SORCS2: variants seen among roughly 807,000 people sequenced by gnomAD.
SORCS2 encodes VPS10 domain-containing receptor SorCS2.
Under a neutral mutation model 141.6 loss-of-function variants are expected in SORCS2, and 100 were observed. That is an observed-to-expected ratio of 0.71 (90% CI 0.60 to 0.83). The LOEUF (loss-of-function observed/expected upper bound fraction) is 0.83, where lower values mean the gene tolerates loss of function less well. Ranked by LOEUF, SORCS2 falls within the 40% of genes least tolerant of loss-of-function variation. The pLI, the probability that SORCS2 is intolerant of heterozygous loss-of-function variation, is 0.00. For missense variants in SORCS2, 1,646 were observed against 1,560.2 expected (o/e 1.05, Z -0.93); for synonymous variants, 789 against 676.9 (o/e 1.17, Z -2.57).
At chr4:7,239,332 C>T (rs925419932) in intron 1 of SORCS2, among the ~76,000 whole-genome samples, 11 of 152,260 alleles carry the variant, frequency 7.2e-5, no homozygotes, top group African/African-American at 2.4e-4. Flanking sequence ...GGGAGGGCCC[C>T]CGACCTCCTT....
At chr4:7,673,916 C>T (rs760306629) in intron 8 of SORCS2, among the ~76,000 whole-genome samples, 4 of 152,188 alleles carry the variant, frequency 2.6e-5, no homozygotes, top group South Asian at 2.1e-4. Flanking sequence ...TTCCCTGCCA[C>T]GGCCCAGGCT....
chr4:7,688,553 C>T (rs1017922478), intron 10 of SORCS2, among the ~76,000 whole-genome samples: 3 of 152,186 alleles, frequency 2.0e-5, no homozygotes, highest in African/African-American at 4.8e-5. Flanking sequence ...GTTATTGCCC[C>T]ATCTCACAGA....
intron 1 of SORCS2, among the ~76,000 whole-genome samples, chr4:7,245,812 C>A (rs1034615715): frequency 6.6e-6 from 1 of 152,104 alleles, no homozygotes; most frequent in African/African-American, 2.4e-5. Flanking sequence ...GCTGTCCCTG[C>A]CGTGAGGAGT....
chr4:7,675,738 C>T (rs1462375704), intron 8 of SORCS2, among the ~76,000 whole-genome samples: 1 of 152,178 alleles, frequency 6.6e-6, no homozygotes, highest in Non-Finnish European at 1.5e-5. Flanking sequence ...CACTGTTGGA[C>T]GGATGGATGG....
At chr4:7,347,069 T>G (rs1189548013) in intron 1 of SORCS2, among the ~76,000 whole-genome samples, 1 of 152,212 alleles carries the variant, frequency 6.6e-6, no homozygotes, top group Non-Finnish European at 1.5e-5. Context: ...TTTAAAAAAT[T>G]TAGTGCTTGA....
At chr4:7,526,270 C>A (rs191201750) in intron 2 of SORCS2, among the ~76,000 whole-genome samples, 1 of 152,228 alleles carries the variant, frequency 6.6e-6, no homozygotes, top group African/African-American at 2.4e-5. Flanking sequence ...TTGTCCAGAC[C>A]GGCGTGTCCC....
chr4:7,284,857 C>G (rs549048020), intron 1 of SORCS2, among the ~76,000 whole-genome samples: 1 of 152,136 alleles, frequency 6.6e-6, no homozygotes, highest in East Asian at 1.9e-4. Context: ...GGGGGAAGAT[C>G]CTTCCGGCCT....
At chr4:7,580,313 C>G (rs28666453) in intron 3 of SORCS2, among the ~76,000 whole-genome samples, 2,961 of 152,144 alleles carry the variant, frequency 0.019, 96 homozygotes, top group African/African-American at 0.068. Context: ...GAAACCCCAT[C>G]TCTACTAAAA....
intron 1 of SORCS2, among the ~76,000 whole-genome samples, chr4:7,326,575 C>T (rs541318725): frequency 1.3e-5 from 2 of 152,206 alleles, no homozygotes; most frequent in Non-Finnish European, 2.9e-5. Context: ...GGAATCTCTT[C>T]GTCCAGGTCA....
At chr4:7,427,038 C>T (rs955894333) in intron 2 of SORCS2, among the ~76,000 whole-genome samples, 7 of 152,136 alleles carry the variant, frequency 4.6e-5, no homozygotes, top group East Asian at 1.9e-4. Flanking sequence ...AGGGAAAGAG[C>T]GGTGGTTCCA....
chr4:7,308,908 G>C (rs559866408), intron 1 of SORCS2, among the ~76,000 whole-genome samples: 2 of 152,284 alleles, frequency 1.3e-5, no homozygotes, highest in Admixed American at 6.5e-5. Context: ...CACACCTCTG[G>C]TGTGGCACCC....
At chr4:7,367,931 G>A (rs1017217936) in intron 1 of SORCS2, among the ~76,000 whole-genome samples, 4 of 152,254 alleles carry the variant, frequency 2.6e-5, no homozygotes, top group African/African-American at 2.4e-5. Context: ...GTCCAGTGCT[G>A]TGTGTCAGCC....
chr4:7,264,543 C>T (rs1246395670), intron 1 of SORCS2, among the ~76,000 whole-genome samples: 3 of 152,224 alleles, frequency 2.0e-5, no homozygotes, highest in African/African-American at 7.2e-5. Context: ...CACTCAGCCC[C>T]TGGTCTGGGA....
At chr4:7,302,539 AC>A (rs929578852) in intron 1 of SORCS2, among the ~76,000 whole-genome samples, 1 of 152,052 alleles carries the variant, frequency 6.6e-6, no homozygotes, top group Non-Finnish European at 1.5e-5. Context: ...GGTCTCCCTG[AC>A]CACCTTATTT....
At chr4:7,283,742 C>T (rs1006103743) in intron 1 of SORCS2, among the ~76,000 whole-genome samples, 3 of 151,930 alleles carry the variant, frequency 2.0e-5, no homozygotes, top group Non-Finnish European at 4.4e-5. Flanking sequence ...AGGTGGGGCC[C>T]AAGCAGGAGT....
intron 1 of SORCS2, among the ~76,000 whole-genome samples, chr4:7,352,242 C>A (rs1043347505): frequency 6.6e-6 from 1 of 152,224 alleles, no homozygotes; most frequent in Non-Finnish European, 1.5e-5. Flanking sequence ...TGGGCTGTGT[C>A]TTCTTTATCT....
chr4:7,656,769 G>A (rs1721804477), intron 5 of SORCS2, among the ~76,000 whole-genome samples: 1 of 152,168 alleles, frequency 6.6e-6, no homozygotes, highest in Non-Finnish European at 1.5e-5. Context: ...AGGGCATGGG[G>A]GTGGCAGGGC....
chr4:7,611,268 G>A (rs1718387614), intron 3 of SORCS2, among the ~76,000 whole-genome samples: 1 of 152,238 alleles, frequency 6.6e-6, no homozygotes, highest in Admixed American at 6.5e-5. Flanking sequence ...GGATGAAGCT[G>A]CAGCTTGGAA....
intron 1 of SORCS2, among the ~76,000 whole-genome samples, chr4:7,306,970 G>T (rs1052845480): frequency 1.3e-5 from 2 of 152,204 alleles, no homozygotes. Context: ...CCCCTGCCGT[G>T]TGTCCCGGAG....
Sources: allele counts gnomAD v4.1 joint callset (sites outside exome capture counted in the v4.1 genomes callset), GRCh38; gene constraint gnomAD v4.1.1; transcripts MANE v1.5; gene names NCBI Gene and HGNC (gene_info 2026-07-23, HGNC 2026-07-21).